The following TMEM217B variants were observed in gnomAD, a reference collection of about 807,000 sequenced individuals.
TMEM217B encodes putative transmembrane protein 217B.
chr6:37,219,559 G>A, the TMEM217B span, among the ~76,000 whole-genome samples: 1 of 152,024 alleles, frequency 6.6e-6, no homozygotes, highest in Non-Finnish European at 1.5e-5. Context: ...TGGACAACAT[G>A]GTGAAACCCC....
the TMEM217B span, among the ~76,000 whole-genome samples, chr6:37,248,741 G>A: frequency 2.6e-5 from 4 of 152,218 alleles, no homozygotes; most frequent in African/African-American, 9.6e-5. Flanking sequence ...AGCAGAAATA[G>A]GTGGCAATGG....
the TMEM217B span, among the ~76,000 whole-genome samples, chr6:37,236,605 G>T: frequency 6.6e-6 from 1 of 151,902 alleles, no homozygotes; most frequent in Non-Finnish European, 1.5e-5. Flanking sequence ...CATTTACTGT[G>T]AATTTATTCT....
chr6:37,215,065 TC>T, the TMEM217B span: 1 of 1,170,562 alleles, frequency 8.5e-7, no homozygotes, highest in Non-Finnish European at 1.2e-6. Flanking sequence ...GCCCACTGGT[TC>T]CACAGCTCTG....
chr6:37,237,832 C>G, the TMEM217B span, among the ~76,000 whole-genome samples: 1 of 152,128 alleles, frequency 6.6e-6, no homozygotes, highest in Non-Finnish European at 1.5e-5. Flanking sequence ...ACTACACACA[C>G]ATATTTTTAG....
chr6:37,212,604 G>A, the TMEM217B span: 1 of 486,844 alleles, frequency 2.1e-6, no homozygotes, highest in African/African-American at 1.9e-5. Flanking sequence ...GGAAGATCCA[G>A]TGCAAATAAC....
the TMEM217B span, among the ~76,000 whole-genome samples, chr6:37,245,925 G>A: frequency 6.6e-6 from 1 of 151,940 alleles, no homozygotes; most frequent in South Asian, 2.1e-4. Context: ...TCAGCCTCCC[G>A]AGTAGCTGTA....
chr6:37,218,231 G>A, the TMEM217B span: 208 of 1,332,404 alleles, frequency 1.6e-4, no homozygotes, highest in Middle Eastern at 2.8e-4. Context: ...GTGCACTGGC[G>A]CAATCTCGGC....
the TMEM217B span, among the ~76,000 whole-genome samples, chr6:37,219,585 A>G: frequency 3.0e-4 from 46 of 152,262 alleles, no homozygotes; most frequent in African/African-American, 1.1e-3. Context: ...TACAAAAATT[A>G]GTCAGGTGTG....
At chr6:37,229,343 T>TTTTTTG in the TMEM217B span, among the ~76,000 whole-genome samples, 1 of 126,590 alleles carries the variant, frequency 7.9e-6, no homozygotes, top group Non-Finnish European at 1.7e-5. Flanking sequence ...CAGTTTTTTT[T>TTTTTTG]TTTTTTTTTT....
chr6:37,217,592 C>G, the TMEM217B span: 1 of 978,958 alleles, frequency 1.0e-6, no homozygotes, highest in Non-Finnish European at 1.2e-6. Flanking sequence ...CTTTCACACT[C>G]CTTGACAAAT....
the TMEM217B span, among the ~76,000 whole-genome samples, chr6:37,231,810 T>C: frequency 6.7e-6 from 1 of 150,090 alleles, no homozygotes; most frequent in Non-Finnish European, 1.5e-5. Flanking sequence ...TTTTTTTTTT[T>C]CAGGAAATGG....
chr6:37,217,924 G>A, the TMEM217B span: 94 of 985,994 alleles, frequency 9.5e-5, no homozygotes, highest in East Asian at 6.5e-3. Flanking sequence ...CAGAAGTTTT[G>A]ATAAATCACA....
the TMEM217B span, among the ~76,000 whole-genome samples, chr6:37,236,462 T>G: frequency 6.6e-6 from 1 of 152,178 alleles, no homozygotes; most frequent in East Asian, 1.9e-4. Flanking sequence ...GAGAGTAAGC[T>G]AATTAGTTGT....
At chr6:37,252,424 T>C in the TMEM217B span, among the ~76,000 whole-genome samples, 1 of 151,918 alleles carries the variant, frequency 6.6e-6, no homozygotes, top group Non-Finnish European at 1.5e-5. Flanking sequence ...CTGCCTTTGA[T>C]ACAAGAAGTT....
chr6:37,234,726 A>C, the TMEM217B span, among the ~76,000 whole-genome samples: 1 of 151,974 alleles, frequency 6.6e-6, no homozygotes, highest in Non-Finnish European at 1.5e-5. Context: ...ACAGAGTGAG[A>C]CTCCATCTCA....
At chr6:37,224,536 T>C in the TMEM217B span, among the ~76,000 whole-genome samples, 5 of 151,658 alleles carry the variant, frequency 3.3e-5, no homozygotes, top group Non-Finnish European at 2.9e-5. Flanking sequence ...AGGCAGAGCT[T>C]GCAGTGAGCC....
chr6:37,213,618 G>A, the TMEM217B span, among the ~76,000 whole-genome samples: 1 of 152,248 alleles, frequency 6.6e-6, no homozygotes, highest in Non-Finnish European at 1.5e-5. Context: ...CATTGTGCAG[G>A]TGAAGGCCCA....
chr6:37,218,780 T>A, the TMEM217B span: 1 of 1,614,110 alleles, frequency 6.2e-7, no homozygotes, highest in East Asian at 2.2e-5. Flanking sequence ...ATACACTGAG[T>A]ACAGGAGGAA....
chr6:37,212,469 T>C, the TMEM217B span: 1 of 453,254 alleles, frequency 2.2e-6, no homozygotes, highest in Non-Finnish European at 4.4e-6. Context: ...ATGAGTTCAC[T>C]GCAATGGTGG....
Sources: gnomAD v4.1 joint callset for allele counts (sites outside exome capture counted in the v4.1 genomes callset) on GRCh38, gnomAD v4.1.1 for gene constraint, MANE v1.5 for transcripts, NCBI Gene and HGNC (gene_info 2026-07-23, HGNC 2026-07-21) for gene names.